FMNL2: variants seen among roughly 807,000 people sequenced by gnomAD.
FMNL2 encodes the protein formin-like protein 2.
In FMNL2, 51 loss-of-function variants were observed where a neutral mutation model predicts 130.2. The observed-to-expected ratio is 0.39, with a 90% CI of 0.31 to 0.49. The LOEUF (loss-of-function observed/expected upper bound fraction) is 0.49, where lower values mean the gene tolerates loss of function less well. FMNL2 is among the 20% of genes least tolerant of loss of function. The pLI, the probability that FMNL2 is intolerant of heterozygous loss-of-function variation, is 0.85. For synonymous variants in FMNL2, 465 were observed against 467.1 expected (o/e 1.00, Z 0.06); for missense variants, 977 against 1,316.2 (o/e 0.74, Z 3.99).
At chr2:152,636,630 T>A (rs1580151880) in intron 22 of FMNL2, 40 bp downstream of exon 22, 1 of 1,544,214 alleles carries the variant, frequency 6.5e-7, no homozygotes, top group East Asian at 2.4e-5. Flanking sequence ...AGAGGCTGCA[T>A]CCATTAAAGC....
intron 1 of FMNL2, among the ~76,000 whole-genome samples, chr2:152,520,281 A>AGG (rs11389713): frequency 1.6e-4 from 25 of 151,974 alleles, no homozygotes; most frequent in African/African-American, 3.6e-4. Context: ...GTCAGCTTTG[A>AGG]GGGGGGGTGA....
chr2:152,491,013 G>A (rs1028034537), intron 1 of FMNL2, among the ~76,000 whole-genome samples: 7 of 152,054 alleles, frequency 4.6e-5, no homozygotes, highest in African/African-American at 1.2e-4. Context: ...CTACTCCCTC[G>A]CCAGCTTTGC....
chr2:152,415,112 A>C (rs371456137), intron 1 of FMNL2, among the ~76,000 whole-genome samples: 1 of 152,038 alleles, frequency 6.6e-6, no homozygotes, highest in African/African-American at 2.4e-5. Flanking sequence ...GCAGAAACCT[A>C]CAGCAGAGGT....
At chr2:152,547,576 G>T (rs962523875) in intron 3 of FMNL2, among the ~76,000 whole-genome samples, 1 of 152,214 alleles carries the variant, frequency 6.6e-6, no homozygotes, top group Non-Finnish European at 1.5e-5. Flanking sequence ...TTCAGAAGAA[G>T]ATGACAGGGT....
chr2:152,615,023 A>G (rs1425454585), intron 12 of FMNL2, 23 bp downstream of exon 12: 1 of 1,603,046 alleles, frequency 6.2e-7, no homozygotes, highest in African/African-American at 1.3e-5. Context: ...CAGAAAAGGA[A>G]AAATTGCTTA....
At chr2:152,592,964 A>G (rs1162093038) in intron 9 of FMNL2, among the ~76,000 whole-genome samples, 1 of 152,210 alleles carries the variant, frequency 6.6e-6, no homozygotes, top group Non-Finnish European at 1.5e-5. Flanking sequence ...TTCAGAACAG[A>G]CCATACTGTT....
intron 1 of FMNL2, among the ~76,000 whole-genome samples, chr2:152,520,643 A>G (rs1364547996): frequency 6.6e-6 from 1 of 152,098 alleles, no homozygotes; most frequent in Non-Finnish European, 1.5e-5. Context: ...AGGTTATTGT[A>G]AAATCTGATG....
chr2:152,424,430 A>G (rs1287092258), intron 1 of FMNL2, among the ~76,000 whole-genome samples: 6 of 142,610 alleles, frequency 4.2e-5, no homozygotes, highest in Non-Finnish European at 6.0e-5. Flanking sequence ...TCATTCTGTC[A>G]CCCAGGCTGC....
At chr2:152,412,302 T>A (rs1481528031) in intron 1 of FMNL2, among the ~76,000 whole-genome samples, 1 of 151,628 alleles carries the variant, frequency 6.6e-6, no homozygotes, top group Non-Finnish European at 1.5e-5. Context: ...ATAGACTTTT[T>A]CCCTAGGGTA....
At chr2:152,345,455 A>G (rs1194630767) in intron 1 of FMNL2, among the ~76,000 whole-genome samples, 1 of 152,234 alleles carries the variant, frequency 6.6e-6, no homozygotes, top group Non-Finnish European at 1.5e-5. Flanking sequence ...GGCAACACTC[A>G]GTTTTGCCCA....
intron 1 of FMNL2, among the ~76,000 whole-genome samples, chr2:152,503,399 A>G (rs543640609): frequency 1.3e-5 from 2 of 152,306 alleles, no homozygotes; most frequent in South Asian, 4.1e-4. Flanking sequence ...ATCAGATACC[A>G]TCTGGGGAAT....
At chr2:152,586,136 A>G (rs1380017310) in intron 9 of FMNL2, among the ~76,000 whole-genome samples, 1 of 152,180 alleles carries the variant, frequency 6.6e-6, no homozygotes, top group African/African-American at 2.4e-5. Context: ...CTGTAATGAC[A>G]GCATCTGGCT....
chr2:152,357,642 A>G (rs995754115), intron 1 of FMNL2, among the ~76,000 whole-genome samples: 5 of 149,356 alleles, frequency 3.3e-5, no homozygotes, highest in African/African-American at 1.2e-4. Context: ...AATCAGTTTA[A>G]TGTATAACGA....
chr2:152,397,302 T>C (rs1685448000), intron 1 of FMNL2, among the ~76,000 whole-genome samples: 1 of 152,060 alleles, frequency 6.6e-6, no homozygotes, highest in South Asian at 2.1e-4. Flanking sequence ...GGAAACTGGA[T>C]GAGCATAATG....
rs1694806372 is a variant in FMNL2 at position 152,549,157 on chromosome 2, G to A, written c.359+60G>A. 3.3e-6 allele frequency: 4 copies of A among 1,203,196 alleles called. No homozygotes were observed. In the South Asian group the frequency reaches 6.4e-5, roughly 19 times the overall value. 74.5% of individuals were successfully genotyped at this position (1,203,196 alleles called of 1,614,324 possible). A position where few individuals can be genotyped will look rare whatever the true frequency, so the allele number is the denominator to read the frequency against. On this transcript the variant is annotated intron_variant, in intron 4 of 25. Transcript: ENST00000288670. The stretch of plus-strand genomic sequence containing the variant: ...CTTTTGGACACTTTACAAAGTAACT[G>A]AATCATACCCAAAGAATTGAGCTTC...
At chr2:152,623,905 G>A (rs963080309) in intron 15 of FMNL2, among the ~76,000 whole-genome samples, 3 of 151,684 alleles carry the variant, frequency 2.0e-5, no homozygotes, top group Non-Finnish European at 2.9e-5. Context: ...CTATTAAGAG[G>A]TTTTCAGTAT....
intron 25 of FMNL2, among the ~76,000 whole-genome samples, chr2:152,642,805 C>G (rs925992435): frequency 6.6e-6 from 1 of 152,092 alleles, no homozygotes; most frequent in African/African-American, 2.4e-5. Context: ...ATCAGGACTT[C>G]GAAACCAGCC....
At chr2:152,604,847 C>T (rs1056877591) in intron 9 of FMNL2, among the ~76,000 whole-genome samples, 6 of 148,966 alleles carry the variant, frequency 4.0e-5, no homozygotes, top group African/African-American at 9.7e-5. Context: ...CTGCCCACCT[C>T]GTCCTCCCAA....
At chr2:152,474,635 G>C (rs1049320892) in intron 1 of FMNL2, among the ~76,000 whole-genome samples, 1 of 152,120 alleles carries the variant, frequency 6.6e-6, no homozygotes. Context: ...GCAGTGAGCT[G>C]AGATTGTACC....
Sources: gnomAD v4.1 joint callset for allele counts (sites outside exome capture counted in the v4.1 genomes callset) on GRCh38, gnomAD v4.1.1 for gene constraint, MANE v1.5 for transcripts, NCBI Gene and HGNC (gene_info 2026-07-23, HGNC 2026-07-21) for gene names.